The following NPAS3 variants were observed in gnomAD, a reference collection of about 807,000 sequenced individuals.
NPAS3 encodes neuronal PAS domain-containing protein 3.
NPAS3 carries 14 observed loss-of-function variants against 73.1 expected under a neutral mutation model. The observed-to-expected ratio is 0.19, with a 90% CI of 0.13 to 0.30. The LOEUF (loss-of-function observed/expected upper bound fraction) is 0.30, where lower values mean the gene tolerates loss of function less well. NPAS3 is among the 10% of genes least tolerant of loss of function. The pLI is 1.00. For synonymous variants in NPAS3, 620 were observed against 541.5 expected (o/e 1.14, Z -2.01); for missense variants, 1,096 against 1,250.0 (o/e 0.88, Z 1.86).
intron 3 of NPAS3, among the ~76,000 whole-genome samples, chr14:33,298,430 T>C (rs1225195000): frequency 6.6e-6 from 1 of 152,196 alleles, no homozygotes; most frequent in Non-Finnish European, 1.5e-5. Flanking sequence ...GGGATAAATA[T>C]TAAGTTTCAG....
chr14:33,523,869 G>T (rs2075251435), intron 4 of NPAS3, among the ~76,000 whole-genome samples: 1 of 152,102 alleles, frequency 6.6e-6, no homozygotes, highest in African/African-American at 2.4e-5. Flanking sequence ...GATCCATGAT[G>T]GACCTCCCTT....
chr14:33,706,772 A>G (rs1478832889), intron 6 of NPAS3, among the ~76,000 whole-genome samples: 1 of 152,154 alleles, frequency 6.6e-6, no homozygotes, highest in Non-Finnish European at 1.5e-5. Context: ...CAGAGACGTC[A>G]ATAAGTTAGC....
chr14:33,077,774 G>GTTT (rs3057435), intron 2 of NPAS3, among the ~76,000 whole-genome samples: 3,549 of 87,586 alleles, frequency 0.041, 450 homozygotes, highest in Admixed American at 0.25. Context: ...TGCAGTAAGG[G>GTTT]TTTTTTTTTT....
chr14:33,329,825 TGAGA>T (rs535233541), intron 3 of NPAS3, among the ~76,000 whole-genome samples: 5 of 150,920 alleles, frequency 3.3e-5, no homozygotes, highest in East Asian at 1.9e-4. Flanking sequence ...TGTGTGTGTG[TGAGA>T]GAGAGAGAGA....
chr14:33,597,013 G>A (rs114196918), intron 5 of NPAS3, among the ~76,000 whole-genome samples: 1,632 of 152,252 alleles, frequency 0.011, 24 homozygotes, highest in African/African-American at 0.037. Flanking sequence ...TCCAGATTGC[G>A]GGGTGGGACT....
At chr14:33,408,328 G>A (rs2047758705) in intron 4 of NPAS3, among the ~76,000 whole-genome samples, 2 of 152,140 alleles carry the variant, frequency 1.3e-5, no homozygotes, top group African/African-American at 4.8e-5. Context: ...AACATCTCCA[G>A]GTGGGTTGAG....
chr14:33,249,907 TACACACAC>T (rs369565240), intron 3 of NPAS3, among the ~76,000 whole-genome samples: 2 of 146,976 alleles, frequency 1.4e-5, no homozygotes, highest in South Asian at 2.2e-4. Context: ...AAATCTGTCA[TACACACAC>T]ACACACACAC....
In NPAS3 at chr14:33,029,470, A is replaced by G. The variant is rs545441274; in HGVS notation, c.51-26435A>G. Among the ~76,000 whole-genome samples the G allele has an allele frequency of 1.7e-4, 26 of 152,260 alleles. No individual in the cohort carries two copies. In the South Asian group the frequency reaches 5.2e-3, roughly 30 times the overall value. ...TAGGAGAGCTCTTGAATCTCCAAAA[A>G]TCAGCCCAGTATTTCCATTAATAGT... On this transcript the variant is annotated intron_variant, in intron 1 of 11. Coordinates refer to ENST00000356141, the Ensembl canonical transcript of NPAS3.
chr14:33,017,192 G>T (rs1438633494), intron 1 of NPAS3, among the ~76,000 whole-genome samples: 3 of 152,110 alleles, frequency 2.0e-5, no homozygotes, highest in Non-Finnish European at 2.9e-5. Context: ...TTGATATTTT[G>T]CAACAAATGG....
chr14:33,254,611 A>G (rs796315911), intron 3 of NPAS3, among the ~76,000 whole-genome samples: 5 of 152,306 alleles, frequency 3.3e-5, no homozygotes, highest in African/African-American at 9.6e-5. Flanking sequence ...GAATGGCTTA[A>G]TGTTTCAGGA....
chr14:33,646,432 T>G (rs2140209878), intron 5 of NPAS3, among the ~76,000 whole-genome samples: 1 of 152,198 alleles, frequency 6.6e-6, no homozygotes, highest in East Asian at 1.9e-4. Context: ...AGTAAATGGA[T>G]GTCTGCGTAG....
At chr14:33,449,646 C>T (rs1345190469) in intron 4 of NPAS3, among the ~76,000 whole-genome samples, 1 of 152,086 alleles carries the variant, frequency 6.6e-6, no homozygotes, top group Non-Finnish European at 1.5e-5. Flanking sequence ...CACACACACA[C>T]ACACAGAGAA....
chr14:33,230,893 C>G (rs992160060), intron 3 of NPAS3, among the ~76,000 whole-genome samples: 1 of 152,082 alleles, frequency 6.6e-6, no homozygotes, highest in Non-Finnish European at 1.5e-5. Context: ...TTCTCTGTCC[C>G]CTGAAACTGT....
intron 2 of NPAS3, among the ~76,000 whole-genome samples, chr14:33,122,186 G>A (rs1346866287): frequency 1.3e-5 from 2 of 152,158 alleles, no homozygotes; most frequent in Non-Finnish European, 2.9e-5. Flanking sequence ...TTCTGGAGCA[G>A]ACATGCTCTT....
intron 3 of NPAS3, among the ~76,000 whole-genome samples, chr14:33,300,699 C>A (rs147167496): frequency 6.6e-6 from 1 of 151,834 alleles, no homozygotes; most frequent in Non-Finnish European, 1.5e-5. Context: ...CTCTGCATTG[C>A]GGGTGAGGGG....
intron 5 of NPAS3, among the ~76,000 whole-genome samples, chr14:33,603,904 GA>G (rs912963711): frequency 6.6e-6 from 1 of 151,890 alleles, no homozygotes; most frequent in African/African-American, 2.4e-5. Context: ...TTCAGGAGGG[GA>G]AAAAAGAAGT....
intron 2 of NPAS3, chr14:33,214,526 T>C (rs1328633225): frequency 6.6e-6 from 1 of 152,246 alleles, no homozygotes; most frequent in Admixed American, 6.5e-5. Context: ...TACTAATGTA[T>C]GTCCATTAAT....
chr14:33,602,888 A>G (rs2057444050), intron 5 of NPAS3, among the ~76,000 whole-genome samples: 1 of 152,100 alleles, frequency 6.6e-6, no homozygotes, highest in Non-Finnish European at 1.5e-5. Flanking sequence ...AAGGATCAAA[A>G]TACCTCCAGG....
At chr14:33,612,268 G>T in intron 5 of NPAS3, 1 of 385,584 alleles carries the variant, frequency 2.6e-6, no homozygotes, top group Non-Finnish European at 5.2e-6. Context: ...ATGCCCCACT[G>T]TTCAGCTGAT....
Sources: allele counts gnomAD v4.1 joint callset (sites outside exome capture counted in the v4.1 genomes callset), GRCh38; gene constraint gnomAD v4.1.1; transcripts MANE v1.5; gene names NCBI Gene and HGNC (gene_info 2026-07-23, HGNC 2026-07-21).